Variants in ST18 observed in about 807,000 individuals in gnomAD.
The protein encoded by ST18 is suppression of tumorigenicity 18 protein.
ST18 carries 50 observed loss-of-function variants against 110.0 expected under a neutral mutation model. That is an observed-to-expected ratio of 0.45 (90% CI 0.36 to 0.58). The LOEUF (loss-of-function observed/expected upper bound fraction) is 0.58. Ranked by LOEUF, ST18 falls within the 20% of genes least tolerant of loss-of-function variation. The pLI is 0.00. For missense variants in ST18, 1,306 were observed against 1,280.1 expected (o/e 1.02, Z -0.31); for synonymous variants, 461 against 452.4 (o/e 1.02, Z -0.24).
Position 52,164,020 on chromosome 8 carries a change from G to T in ST18, c.1366C>A (p.Pro456Thr). 6.2e-7 allele frequency: 1 copy of T among 1,614,122 alleles called. No homozygotes were observed. Among genetic ancestry groups the T allele is most frequent in the Non-Finnish European group, 8.5e-7 (1 of 1,179,986 alleles). ...MSQDKNQLDS[P>T]QTGQCPDQAH... ...TGGTCAGGACACTGCCCAGTTTGGG[G>T]AGAATCAAGCTGATTTTTATCCTGG... is the stretch of plus-strand genomic sequence containing the variant. Residue 456 changes from proline to threonine, a missense_variant, in exon 13 of 26, where the codon CCC (proline) becomes ACC (threonine). By Grantham distance (38) the Pro-to-Thr change is conservative. Coordinates refer to ENST00000689386, the MANE Select transcript of ST18 (RefSeq NM_001352837.2).
chr8:52,238,798 G>T (rs1356413396), intron 2 of ST18, among the ~76,000 whole-genome samples: 1 of 143,962 alleles, frequency 6.9e-6, no homozygotes, highest in Non-Finnish European at 1.5e-5. Context: ...CTAATAAATG[G>T]GAATGATGTA....
intron 2 of ST18, among the ~76,000 whole-genome samples, chr8:52,336,201 G>T (rs1301094946): frequency 6.6e-6 from 1 of 151,858 alleles, no homozygotes; most frequent in Non-Finnish European, 1.5e-5. Context: ...CAGGCTGGAG[G>T]GCAATGCCAC....
chr8:52,176,850 C>T (rs553006390), intron 9 of ST18, among the ~76,000 whole-genome samples: 1 of 152,282 alleles, frequency 6.6e-6, no homozygotes, highest in South Asian at 2.1e-4. Context: ...GTTTCTGTAA[C>T]TAGCTAGGTT....
At chr8:52,252,880 A>G (rs962588579) in intron 2 of ST18, among the ~76,000 whole-genome samples, 1 of 144,938 alleles carries the variant, frequency 6.9e-6, no homozygotes, top group African/African-American at 2.5e-5. Context: ...CAAGCAGATG[A>G]TATTTGCAAA....
intron 2 of ST18, among the ~76,000 whole-genome samples, chr8:52,327,485 C>G (rs6987166): frequency 0.16 from 23,765 of 152,140 alleles, 2,089 homozygotes; most frequent in African/African-American, 0.25. Context: ...AAAAGGGTAC[C>G]ATTGTCCTGT....
intron 7 of ST18, among the ~76,000 whole-genome samples, chr8:52,213,636 C>G (rs962652912): frequency 6.6e-6 from 1 of 152,032 alleles, no homozygotes; most frequent in Non-Finnish European, 1.5e-5. Flanking sequence ...TCATCAAGGG[C>G]CTGTTTATAT....
chr8:52,314,605 G>A (rs116752140), intron 2 of ST18, among the ~76,000 whole-genome samples: 12 of 152,226 alleles, frequency 7.9e-5, no homozygotes, highest in South Asian at 2.1e-4. Flanking sequence ...TCTCCTCTCC[G>A]TTTTGCTGAT....
At chr8:52,173,778 A>G (rs1159653919) in intron 9 of ST18, among the ~76,000 whole-genome samples, 1 of 152,242 alleles carries the variant, frequency 6.6e-6, no homozygotes. Context: ...ACTGTTAAAG[A>G]CACCAAGAGC....
At chr8:52,129,908 G>T (rs564668222) in intron 22 of ST18, among the ~76,000 whole-genome samples, 1 of 151,976 alleles carries the variant, frequency 6.6e-6, no homozygotes, top group Middle Eastern at 3.4e-3. Context: ...AGCCTGGTGT[G>T]GTGGCATGCA....
intron 2 of ST18, among the ~76,000 whole-genome samples, chr8:52,310,201 C>T (rs547286254): frequency 5.9e-5 from 9 of 152,094 alleles, no homozygotes; most frequent in Non-Finnish European, 1.2e-4. Context: ...GTGATGATGG[C>T]CCGGCAATTA....
At chr8:52,278,107 G>A (rs1243086429) in intron 2 of ST18, among the ~76,000 whole-genome samples, 1 of 152,134 alleles carries the variant, frequency 6.6e-6, no homozygotes, top group Non-Finnish European at 1.5e-5. Flanking sequence ...GACTCTGAAA[G>A]CTATACATTT....
chr8:52,130,119 A>AAAGAAAGAAAGAAAAGAAAGAAAGAAAG lies in ST18; in HGVS notation c.2666+1838_2666+1839insCTTTCTTTCTTTCTTTTCTTTCTTTCTT, dbSNP rs67888949. 4.9e-4 allele frequency among the ~76,000 whole-genome samples: 52 copies of AAAGAAAGAAAGAAAAGAAAGAAAGAAAG among 105,234 alleles called. No homozygotes were observed. In the Middle Eastern group the frequency reaches 0.013, roughly 26 times the overall value. The allele number at this position is 105,234 out of a possible 152,430, so 69.0% of individuals were successfully genotyped here. Reference sequence around the variant, plus strand: ...AAAAGAAAGAAAGAAAGAAAGAAAGAAAAGAAAGAAAGAAAGAAAGAAAGA... The same window carrying AAAGAAAGAAAGAAAAGAAAGAAAGAAAG: ...AAAAGAAAGAAAGAAAGAAAGAAAGAAAGAAAGAAAGAAAAGAAAGAAAGAAAGAAAGAAAGAAAGAAAGAAAGAAAGA... On this transcript the variant is annotated intron_variant, in intron 22 of 25. Coordinates refer to ENST00000689386, the MANE Select transcript of ST18 (RefSeq NM_001352837.2).
At chr8:52,405,788 T>C (rs1844271301) in intron 2 of ST18, 2 of 152,058 alleles carry the variant, frequency 1.3e-5, no homozygotes, top group South Asian at 4.2e-4. Context: ...TTCAATGGAA[T>C]GTTTACATCT....
intron 8 of ST18, among the ~76,000 whole-genome samples, chr8:52,192,226 G>T (rs2074754056): frequency 6.6e-6 from 1 of 152,166 alleles, no homozygotes; most frequent in Admixed American, 6.5e-5. Flanking sequence ...TCCCAACATG[G>T]CACCATTCCT....
chr8:52,306,333 C>G (rs2095812237), intron 2 of ST18, among the ~76,000 whole-genome samples: 1 of 152,178 alleles, frequency 6.6e-6, no homozygotes, highest in South Asian at 2.1e-4. Flanking sequence ...CACTGATTTT[C>G]TGGCCCCTCT....
chr8:52,124,343 T>A (rs982323755), intron 23 of ST18, among the ~76,000 whole-genome samples: 1 of 152,012 alleles, frequency 6.6e-6, no homozygotes, highest in Non-Finnish European at 1.5e-5. Flanking sequence ...CTGGCTAATT[T>A]TTTTGTATTT....
intron 2 of ST18, among the ~76,000 whole-genome samples, chr8:52,346,939 A>G (rs923838992): frequency 2.0e-5 from 3 of 152,194 alleles, no homozygotes; most frequent in Non-Finnish European, 2.9e-5. Context: ...GTAAAATCCA[A>G]AAAATATAAA....
At chr8:52,200,434 G>A (rs1489700297) in intron 8 of ST18, among the ~76,000 whole-genome samples, 2 of 152,214 alleles carry the variant, frequency 1.3e-5, no homozygotes, top group African/African-American at 2.4e-5. Flanking sequence ...AGCAGGAACA[G>A]CATGCCAAGG....
intron 12 of ST18, among the ~76,000 whole-genome samples, chr8:52,164,704 C>T (rs918331760): frequency 4.6e-5 from 7 of 152,072 alleles, no homozygotes; most frequent in Admixed American, 4.6e-4. Context: ...TGATGTTTAC[C>T]CTACACCTGA....
Sources: allele counts gnomAD v4.1 joint callset (sites outside exome capture counted in the v4.1 genomes callset), GRCh38; gene constraint gnomAD v4.1.1; transcripts MANE v1.5; gene names NCBI Gene and HGNC (gene_info 2026-07-23, HGNC 2026-07-21).